Variants in POM121C observed in about 807,000 individuals in gnomAD.
The protein encoded by POM121C is POM121 transmembrane nucleoporin C.
In POM121C, 20 loss-of-function variants were observed where a neutral mutation model predicts 66.4. The ratio of observed to expected loss-of-function variants is 0.30; its 90% CI spans 0.21 to 0.44. POM121C has a LOEUF of 0.44. Among genes scored for constraint, POM121C ranks in the 20% least tolerant of loss-of-function variants. The pLI is 1.00. For missense variants in POM121C, 580 were observed against 1,225.7 expected, an observed-to-expected ratio of 0.47 and a Z score of 7.87; for synonymous variants, 286 against 528.0, an observed-to-expected ratio of 0.54 and a Z score of 6.28.
chr7:75,425,347 G>T (rs1789900705), intron 9 of POM121C, among the ~76,000 whole-genome samples, 152 bp from the exon 10 acceptor site: 1 of 148,180 alleles, frequency 6.7e-6, no homozygotes, highest in East Asian at 2.0e-4. Context: ...GATGGTGTTT[G>T]TAAGATTAAG....
At chr7:75,485,183 A>T (rs1371553769) in intron 1 of POM121C, among the ~76,000 whole-genome samples, 1 of 152,196 alleles carries the variant, frequency 6.6e-6, no homozygotes, top group Non-Finnish European at 1.5e-5. Context: ...CTTAAAATAA[A>T]ATAAGCCATA....
intron 1 of POM121C, among the ~76,000 whole-genome samples, chr7:75,483,551 A>G (rs1319616245): frequency 6.6e-6 from 1 of 152,168 alleles, no homozygotes; most frequent in Non-Finnish European, 1.5e-5. Flanking sequence ...TGCAGACGTG[A>G]GCCAATTAAA....
intron 7 of POM121C, among the ~76,000 whole-genome samples, chr7:75,428,438 A>C (rs1250005079): frequency 6.6e-6 from 1 of 152,158 alleles, no homozygotes; most frequent in East Asian, 1.9e-4. Context: ...ACGCTTAGCC[A>C]CCTGTGGAAC....
At position 75,441,354 on chromosome 7, in the gene POM121C, C is replaced by T. The variant is rs1554473948; in HGVS notation, c.65+78G>A. 2.7e-6 allele frequency: 4 copies of T among 1,461,714 alleles called. No individual in the cohort carries two copies. The South Asian group carries it at 4.7e-5, about 17-fold the overall frequency. 90.5% of individuals were successfully genotyped at this position (1,461,714 alleles called of 1,614,324 possible). ...CGTCCTTTCTTTTTTGCGTTGTAGT[C>T]ATGTTGTCACAGGAACAACTGGAGA... On this transcript the variant is annotated intron_variant, in intron 4 of 14. Coordinates refer to ENST00000615331, the MANE Select transcript of POM121C (RefSeq NM_001099415.3).
chr7:75,437,484 GC>G, intron 7 of POM121C, 30 bp downstream of exon 7: 3 of 1,584,138 alleles, frequency 1.9e-6, no homozygotes, highest in South Asian at 2.2e-5. Context: ...GGGAATTCAT[GC>G]CCCCCACATT....
chr7:75,419,188 T>A, intron 14 of POM121C, 132 bp downstream of exon 14: 1 of 1,400,806 alleles, frequency 7.1e-7, no homozygotes, highest in Admixed American at 2.8e-5. Flanking sequence ...GGCTGTGCTG[T>A]ACTCCTAACC....
At chr7:75,428,220 A>G (rs1244063900) in intron 7 of POM121C, among the ~76,000 whole-genome samples, 1 of 151,660 alleles carries the variant, frequency 6.6e-6, no homozygotes, top group Non-Finnish European at 1.5e-5. Flanking sequence ...CCTCACTGCA[A>G]CCTCCGCCTC....
intron 7 of POM121C, among the ~76,000 whole-genome samples, chr7:75,428,771 G>A (rs1254012327): frequency 6.6e-6 from 1 of 152,166 alleles, no homozygotes; most frequent in African/African-American, 2.4e-5. Context: ...CCTGAGGTCA[G>A]GAGTTCGAGA....
At chr7:75,469,482 T>TG (rs777224146) in intron 3 of POM121C, among the ~76,000 whole-genome samples, 46 of 152,186 alleles carry the variant, frequency 3.0e-4, no homozygotes, top group Non-Finnish European at 5.6e-4. Context: ...TTGTTTTGCC[T>TG]GGAGTGCTGC....
intron 3 of POM121C, among the ~76,000 whole-genome samples, chr7:75,441,852 T>C (rs1172146124): frequency 6.6e-6 from 1 of 151,522 alleles, no homozygotes; most frequent in Non-Finnish European, 1.5e-5. Flanking sequence ...GTCTCAACAA[T>C]GGATTGCAAC....
At position 75,417,309 on chromosome 7, in the gene POM121C, T is replaced by G. The variant is rs113975841; in HGVS notation, c.*1487A>C. On this transcript the variant is annotated 3_prime_UTR_variant, in exon 15 of 15. Coordinates refer to ENST00000615331, the MANE Select transcript of POM121C (RefSeq NM_001099415.3). ...GGGGACAGCATTTGAGCCTCTTCTT[T>G]GCACAGGCATAACTTAACTATACAG... 0.14 allele frequency: 125,075 copies of G among 871,606 alleles called. 9,502 individuals are homozygous for G. The highest frequency in any genetic ancestry group is 0.29 in the African/African-American group (15,943 of 54,568). 54.0% of individuals were successfully genotyped at this position (871,606 alleles called of 1,614,324 possible).
intron 3 of POM121C, among the ~76,000 whole-genome samples, chr7:75,471,269 C>T (rs587690152): frequency 2.7e-3 from 414 of 152,140 alleles, no homozygotes; most frequent in Non-Finnish European, 3.2e-3. Flanking sequence ...AGTATAGTGG[C>T]GCGATCTCAG....
chr7:75,454,845 G>A (rs1791149239), intron 3 of POM121C, among the ~76,000 whole-genome samples: 1 of 152,216 alleles, frequency 6.6e-6, no homozygotes, highest in African/African-American at 2.4e-5. Context: ...GGGAAAGAGT[G>A]AAGTTGCTGC....
intron 3 of POM121C, among the ~76,000 whole-genome samples, chr7:75,457,176 A>G (rs1791255207): frequency 6.9e-6 from 1 of 144,460 alleles, no homozygotes; most frequent in African/African-American, 2.6e-5. Context: ...TAAATAAATA[A>G]ATAAATAAAT....
At position 75,420,159 on chromosome 7, in the gene POM121C, CG is replaced by C. The variant is rs1333247738; in HGVS notation, c.2744-718del. ...CTGGCTTCCTCCCCATCACCACTCA[CG>C]GTGACTTCGCCCTGTGGGGCTGACT... On this transcript the variant is annotated intron_variant, in intron 13 of 14. Coordinates refer to ENST00000615331, the MANE Select transcript of POM121C (RefSeq NM_001099415.3). The C allele has an allele frequency of 6.6e-5, 10 of 152,370 alleles. 1 individual carries two copies. The highest frequency in any genetic ancestry group is 2.4e-4 in the African/African-American group (10 of 41,562). The allele number at this position is 152,370 out of a possible 1,614,324, so 9.4% of individuals were successfully genotyped here.
At chr7:75,447,728 A>G (rs1391377967) in intron 3 of POM121C, among the ~76,000 whole-genome samples, 7 of 152,242 alleles carry the variant, frequency 4.6e-5, no homozygotes, top group Admixed American at 3.9e-4. Context: ...CTCTAAAAAA[A>G]AAAACAAAAA....
chr7:75,418,637 G>A lies in POM121C; in HGVS notation c.*159C>T. The A allele has an allele frequency of 7.4e-7, 1 of 1,357,230 alleles. No individual in the cohort carries two copies. Among genetic ancestry groups the A allele is most frequent in the Non-Finnish European group, 9.7e-7 (1 of 1,033,476 alleles). 84.1% of individuals were successfully genotyped at this position (1,357,230 alleles called of 1,614,324 possible). The stretch of plus-strand genomic sequence containing the variant: ...CTGAGGCTTGTGCTTCCTCCAGAAG[G>A]GAAAGGGCCCCAGGGCTGCCACTGC... On this transcript the variant is annotated 3_prime_UTR_variant, in exon 15 of 15. Transcript: ENST00000615331.
At chr7:75,474,023 A>G (rs2116525117) in intron 3 of POM121C, among the ~76,000 whole-genome samples, 1 of 152,320 alleles carries the variant, frequency 6.6e-6, no homozygotes, top group African/African-American at 2.4e-5. Flanking sequence ...GAAGGAAAGA[A>G]AATGGAAGAT....
chr7:75,485,159 G>A (rs1554480679), intron 1 of POM121C, among the ~76,000 whole-genome samples: 1 of 152,084 alleles, frequency 6.6e-6, no homozygotes. Flanking sequence ...TTTTCTTATT[G>A]TCTCTTTAAA....
Sources: allele counts gnomAD v4.1 joint callset (sites outside exome capture counted in the v4.1 genomes callset), GRCh38; gene constraint gnomAD v4.1.1; transcripts MANE v1.5; gene names NCBI Gene and HGNC (gene_info 2026-07-23, HGNC 2026-07-21).